Variants in SH3D19 observed in about 807,000 individuals in gnomAD.
SH3D19 encodes the protein SH3 domain-containing protein 19.
Under a neutral mutation model 112.1 loss-of-function variants are expected in SH3D19, and 58 were observed. The observed-to-expected ratio is 0.52, with a 90% CI of 0.42 to 0.64. The LOEUF (loss-of-function observed/expected upper bound fraction) is 0.64, where lower values mean the gene tolerates loss of function less well. SH3D19 is among the 30% of genes least tolerant of loss of function. SH3D19 has a pLI of 0.00. For missense variants in SH3D19, 1,090 were observed against 1,263.4 expected, an observed-to-expected ratio of 0.86 and a Z score of 2.08; for synonymous variants, 391 against 448.5, an observed-to-expected ratio of 0.87 and a Z score of 1.62.
At chr4:151,208,336 C>T (rs533283530) in intron 2 of SH3D19, among the ~76,000 whole-genome samples, 1 of 152,168 alleles carries the variant, frequency 6.6e-6, no homozygotes, top group Non-Finnish European at 1.5e-5. Flanking sequence ...TCAGCTCCAA[C>T]AATCACATAA....
chr4:151,286,199 A>AAAAAAAAAAC (rs1774761977), intron 1 of SH3D19, among the ~76,000 whole-genome samples: 2 of 149,130 alleles, frequency 1.3e-5, no homozygotes, highest in African/African-American at 5.0e-5. Flanking sequence ...AAAAAAAAAA[A>AAAAAAAAAAC]AAAAACAACT....
rs369671164 is a variant in SH3D19, at chr4:151,318,711, A to C, written c.112+6530T>G. Reference sequence around the variant, plus strand: ...ATATACATTAACTCATTTAGTCTTCAAACCCAATGCAATAGGATTTACTAT... The same window carrying C: ...ATATACATTAACTCATTTAGTCTTCCAACCCAATGCAATAGGATTTACTAT... On this transcript the variant is annotated intron_variant, in intron 1 of 19. Coordinates refer to ENST00000604030, the MANE Select transcript of SH3D19 (RefSeq NM_001378122.1). Among the ~76,000 whole-genome samples the C allele has an allele frequency of 3.3e-5, 5 of 152,342 alleles. No homozygotes were observed. The South Asian group carries it at 6.2e-4, about 19-fold the overall frequency.
At chr4:151,324,126 G>T (rs1371474195) in intron 1 of SH3D19, among the ~76,000 whole-genome samples, 1 of 152,186 alleles carries the variant, frequency 6.6e-6, no homozygotes. Flanking sequence ...TTGTAATAAT[G>T]AGCATGGAGA....
chr4:151,265,569 C>CTT (rs763878307), intron 1 of SH3D19, among the ~76,000 whole-genome samples: 10 of 126,114 alleles, frequency 7.9e-5, no homozygotes, highest in African/African-American at 3.1e-4. Flanking sequence ...TATTTCTTTT[C>CTT]TTTTTTTTTT....
At chr4:151,303,767 G>C (rs1728673927) in intron 1 of SH3D19, among the ~76,000 whole-genome samples, 1 of 152,116 alleles carries the variant, frequency 6.6e-6, no homozygotes, top group African/African-American at 2.4e-5. Context: ...GTGGTATATG[G>C]CCTAGAAATG....
At chr4:151,321,946 T>G (rs1007638823) in intron 1 of SH3D19, among the ~76,000 whole-genome samples, 1 of 152,150 alleles carries the variant, frequency 6.6e-6, no homozygotes, top group Non-Finnish European at 1.5e-5. Context: ...AATTCAGGTG[T>G]TGTGTCTAGC....
At chr4:151,323,303 C>G (rs1730731559) in intron 1 of SH3D19, among the ~76,000 whole-genome samples, 1 of 152,088 alleles carries the variant, frequency 6.6e-6, no homozygotes, top group Non-Finnish European at 1.5e-5. Flanking sequence ...GCACTGAGAA[C>G]AGGAAAAGTG....
intron 1 of SH3D19, among the ~76,000 whole-genome samples, chr4:151,264,690 G>T (rs1298387749): frequency 6.6e-6 from 1 of 152,090 alleles, no homozygotes; most frequent in African/African-American, 2.4e-5. Context: ...GTTAATGAAG[G>T]TGTTTACTAG....
chr4:151,257,778 G>A (rs541329368), intron 1 of SH3D19, among the ~76,000 whole-genome samples: 3 of 152,086 alleles, frequency 2.0e-5, no homozygotes, highest in East Asian at 1.9e-4. Flanking sequence ...GTGTGGTGGC[G>A]CATGCCTGTA....
At chr4:151,272,299 A>C (rs561986527) in intron 1 of SH3D19, among the ~76,000 whole-genome samples, 208 of 152,334 alleles carry the variant, frequency 1.4e-3, no homozygotes, top group African/African-American at 4.9e-3. Flanking sequence ...AGCCTTAGGG[A>C]AAAGATGACT....
At chr4:151,294,621 T>C (rs907917335) in intron 1 of SH3D19, among the ~76,000 whole-genome samples, 4 of 152,188 alleles carry the variant, frequency 2.6e-5, no homozygotes, top group African/African-American at 9.7e-5. Flanking sequence ...GAAATCCAAA[T>C]GTCAGTCATA....
intron 8 of SH3D19, among the ~76,000 whole-genome samples, chr4:151,161,585 G>C (rs1247606320): frequency 6.6e-6 from 1 of 150,762 alleles, no homozygotes; most frequent in Non-Finnish European, 1.5e-5. Flanking sequence ...ATTTAAAGCA[G>C]AAAGTCCTCC....
chr4:151,257,553 ATTTCTT>A (rs944284476), intron 1 of SH3D19, among the ~76,000 whole-genome samples: 20 of 152,098 alleles, frequency 1.3e-4, no homozygotes, highest in African/African-American at 4.6e-4. Flanking sequence ...CTCAACAACT[ATTTCTT>A]CTTCTTCTTC....
At chr4:151,201,516 G>C (rs2149886622) in intron 2 of SH3D19, among the ~76,000 whole-genome samples, 1 of 152,290 alleles carries the variant, frequency 6.6e-6, no homozygotes, top group South Asian at 2.1e-4. Context: ...TCTATTCAAA[G>C]AGATTACAGT....
intron 1 of SH3D19, 64 bp downstream of exon 1, chr4:151,325,177 G>A: frequency 4.4e-6 from 4 of 919,082 alleles, no homozygotes; most frequent in Non-Finnish European, 5.6e-6. Context: ...TGTGGGGCAG[G>A]ACCCGAGCGG....
At chr4:151,210,855 T>C (rs894902807) in intron 2 of SH3D19, among the ~76,000 whole-genome samples, 4 of 152,300 alleles carry the variant, frequency 2.6e-5, no homozygotes, top group Admixed American at 2.0e-4. Context: ...TATTATTTTA[T>C]AGTAACAAAA....
At chr4:151,217,611 G>A (rs1767336996) in intron 2 of SH3D19, among the ~76,000 whole-genome samples, 1 of 151,666 alleles carries the variant, frequency 6.6e-6, no homozygotes, top group Non-Finnish European at 1.5e-5. Context: ...AGACATGTAC[G>A]GCACATAAAA....
intron 1 of SH3D19, among the ~76,000 whole-genome samples, chr4:151,275,486 G>A (rs897008114): frequency 2.6e-5 from 4 of 152,158 alleles, no homozygotes; most frequent in African/African-American, 9.6e-5. Context: ...TCAGTTGCCT[G>A]TAACTGAATA....
intron 1 of SH3D19, among the ~76,000 whole-genome samples, chr4:151,238,520 A>G (rs1561391907): frequency 6.6e-6 from 1 of 152,146 alleles, no homozygotes; most frequent in Non-Finnish European, 1.5e-5. Context: ...AGAACTCATA[A>G]AGTTATACCT....
Sources: gnomAD v4.1 joint callset for allele counts (sites outside exome capture counted in the v4.1 genomes callset) on GRCh38, gnomAD v4.1.1 for gene constraint, MANE v1.5 for transcripts, NCBI Gene and HGNC (gene_info 2026-07-23, HGNC 2026-07-21) for gene names.